GABBR2: variants seen among roughly 807,000 people sequenced by gnomAD.
GABBR2 encodes G-protein coupled receptor 51.
A neutral mutation model predicts 105.6 loss-of-function variants in GABBR2; 23 were observed. That is an observed-to-expected ratio of 0.22 (90% CI 0.16 to 0.31). The LOEUF is 0.31. Among genes scored for constraint, GABBR2 ranks in the 10% least tolerant of loss-of-function variants. The pLI is 1.00. For missense variants in GABBR2, 734 were observed against 1,245.5 expected (o/e 0.59, Z 6.18); for synonymous variants, 478 against 499.7 (o/e 0.96, Z 0.58).
intron 4 of GABBR2, among the ~76,000 whole-genome samples, chr9:98,486,659 C>G (rs1336091710): frequency 1.3e-5 from 2 of 152,174 alleles, no homozygotes; most frequent in African/African-American, 4.8e-5. Flanking sequence ...ATTCAAATGT[C>G]ACAATGCTAT....
At position 98,299,052 on chromosome 9, in the gene GABBR2, T is replaced by C. The variant is rs549211824; in HGVS notation, c.2542+172A>G. On this transcript the variant is annotated intron_variant, in intron 17 of 18. Transcript: ENST00000259455. ...GCAGGGTGGGGCTCAAAGCGGACACTGAACTGTGGTCAGCAGACAGAGGTT... is the reference window on the plus strand; with the variant it reads ...GCAGGGTGGGGCTCAAAGCGGACACCGAACTGTGGTCAGCAGACAGAGGTT... 1.1e-4 allele frequency among the ~76,000 whole-genome samples: 16 copies of C among 152,350 alleles called. No homozygotes were observed. The South Asian group carries it at 3.1e-3, about 30-fold the overall frequency.
chr9:98,463,905 G>C (rs561031333), intron 6 of GABBR2, among the ~76,000 whole-genome samples: 3 of 152,298 alleles, frequency 2.0e-5, no homozygotes, highest in African/African-American at 7.2e-5. Flanking sequence ...CAAGGTGCTG[G>C]GATTGCAGAT....
chr9:98,450,035 C>T (rs941982439), intron 7 of GABBR2, among the ~76,000 whole-genome samples: 5 of 152,100 alleles, frequency 3.3e-5, no homozygotes, highest in South Asian at 4.2e-4. Context: ...TATGCCAAGC[C>T]GGGACCACTG....
chr9:98,525,638 C>T (rs1454870265), intron 3 of GABBR2, among the ~76,000 whole-genome samples: 1 of 152,136 alleles, frequency 6.6e-6, no homozygotes, highest in Non-Finnish European at 1.5e-5. Flanking sequence ...GTAGAGTTAC[C>T]AAATGACCCA....
chr9:98,403,942 C>A (rs1030260643), intron 8 of GABBR2, among the ~76,000 whole-genome samples: 1 of 151,936 alleles, frequency 6.6e-6, no homozygotes, highest in Non-Finnish European at 1.5e-5. Flanking sequence ...GAGGAAGTGA[C>A]TGGATCTCGG....
In GABBR2 at chr9:98,573,851, A is replaced by G. The variant is rs181240010; in HGVS notation, c.459+4084T>C. ...ATGCATAGATCTGTTTGTGTACTAC[A>G]TCTATATCTATGCTTTATACATTAA... On this transcript the variant is annotated intron_variant, in intron 2 of 18. Coordinates refer to ENST00000259455, the MANE Select transcript of GABBR2 (RefSeq NM_005458.8). Among the ~76,000 whole-genome samples the G allele has an allele frequency of 8.5e-5, 13 of 152,344 alleles. No individual in the cohort carries two copies. The South Asian group carries it at 1.0e-3, about 12-fold the overall frequency.
At chr9:98,419,973 GA>G (rs1832753642) in intron 7 of GABBR2, among the ~76,000 whole-genome samples, 1 of 152,032 alleles carries the variant, frequency 6.6e-6, no homozygotes, top group African/African-American at 2.4e-5. Flanking sequence ...GGAGCCTCCT[GA>G]CAACGTTTCT....
chr9:98,360,159 A>C (rs1831557833), intron 13 of GABBR2, among the ~76,000 whole-genome samples: 2 of 152,176 alleles, frequency 1.3e-5, no homozygotes, highest in Non-Finnish European at 2.9e-5. Flanking sequence ...CTCTCCCCCA[A>C]GCCTAGGCTT....
chr9:98,597,156 C>T (rs1236535306), intron 1 of GABBR2, among the ~76,000 whole-genome samples: 6 of 152,166 alleles, frequency 3.9e-5, no homozygotes, highest in South Asian at 2.1e-4. Flanking sequence ...TCTGCAGGCC[C>T]CCACCCGTCA....
chr9:98,605,790 T>TA (rs1829408124), intron 1 of GABBR2, among the ~76,000 whole-genome samples: 1 of 152,190 alleles, frequency 6.6e-6, no homozygotes, highest in African/African-American at 2.4e-5. Context: ...GGATTTTTTT[T>TA]ATTATACTTT....
chr9:98,519,561 A>G (rs1041227991), intron 3 of GABBR2, among the ~76,000 whole-genome samples: 11 of 152,272 alleles, frequency 7.2e-5, no homozygotes, highest in Non-Finnish European at 1.6e-4. Flanking sequence ...AGGTACAATT[A>G]TGACCAGTTT....
intron 5 of GABBR2, among the ~76,000 whole-genome samples, chr9:98,480,310 C>CA (rs1554710149): frequency 4.7e-5 from 7 of 147,828 alleles, no homozygotes; most frequent in Non-Finnish European, 1.1e-4. Flanking sequence ...TGGAGAAAAC[C>CA]TTTTTTTTTT....
chr9:98,416,013 G>A (rs1009939924), intron 7 of GABBR2, among the ~76,000 whole-genome samples: 1 of 152,290 alleles, frequency 6.6e-6, no homozygotes, highest in South Asian at 2.1e-4. Flanking sequence ...GGTAGTCAGG[G>A]ATGTGTTGGT....
Position 98,701,051 on chromosome 9 carries a change from T to C in GABBR2, c.321+7366A>G, listed in dbSNP as rs60119097. Among the ~76,000 whole-genome samples the C allele has an allele frequency of 4.0e-3, 607 of 152,318 alleles. 6 individuals carry two copies. The highest frequency in any genetic ancestry group is 0.014 in the African/African-American group (565 of 41,564). On this transcript the variant is annotated intron_variant, in intron 1 of 18. Coordinates refer to ENST00000259455, the MANE Select transcript of GABBR2 (RefSeq NM_005458.8). ...CCTAACTAACAAAAGACATATATCCTAGATACTATCCATTTAGTACCCCTG... is the reference window on the plus strand; with the variant it reads ...CCTAACTAACAAAAGACATATATCCCAGATACTATCCATTTAGTACCCCTG...
chr9:98,489,462 TCA>T (rs1663612458), intron 4 of GABBR2, among the ~76,000 whole-genome samples: 1 of 152,224 alleles, frequency 6.6e-6, no homozygotes, highest in Non-Finnish European at 1.5e-5. Flanking sequence ...AATGAATTGC[TCA>T]CAATCTTTCA....
At chr9:98,622,706 G>T (rs888948334) in intron 1 of GABBR2, among the ~76,000 whole-genome samples, 6 of 152,152 alleles carry the variant, frequency 3.9e-5, no homozygotes, top group Non-Finnish European at 7.3e-5. Flanking sequence ...GCCCCATGTG[G>T]CCTGCCCTGG....
At chr9:98,651,722 G>A (rs552371097) in intron 1 of GABBR2, among the ~76,000 whole-genome samples, 35 of 152,270 alleles carry the variant, frequency 2.3e-4, no homozygotes, top group African/African-American at 7.0e-4. Context: ...GTGAGCCACC[G>A]CTCCTGGTCT....
At chr9:98,656,317 C>A (rs1830182455) in intron 1 of GABBR2, among the ~76,000 whole-genome samples, 1 of 152,082 alleles carries the variant, frequency 6.6e-6, no homozygotes, top group Admixed American at 6.5e-5. Flanking sequence ...ATGGGGCCAT[C>A]CCTAAAGAAA....
chr9:98,630,722 C>A lies in GABBR2; in HGVS notation c.322-52650G>T, dbSNP rs1454605472. On this transcript the variant is annotated intron_variant, in intron 1 of 18. Coordinates refer to ENST00000259455, the MANE Select transcript of GABBR2 (RefSeq NM_005458.8). ...AGACCACCCAATAAAGGAAAGGAGTCAGTGTGAGAGGCCTCAAGTCTCTGT... is the reference window on the plus strand; with the variant it reads ...AGACCACCCAATAAAGGAAAGGAGTAAGTGTGAGAGGCCTCAAGTCTCTGT... Among the ~76,000 whole-genome samples the A allele has an allele frequency of 2.6e-5, 4 of 152,098 alleles. No individual in the cohort carries two copies. In the East Asian group the frequency reaches 7.7e-4, roughly 29 times the overall value.
Sources: gnomAD v4.1 joint callset for allele counts (sites outside exome capture counted in the v4.1 genomes callset) on GRCh38, gnomAD v4.1.1 for gene constraint, MANE v1.5 for transcripts, NCBI Gene and HGNC (gene_info 2026-07-23, HGNC 2026-07-21) for gene names.